The following DEFB119 variants were observed in gnomAD, a reference collection of about 807,000 sequenced individuals.
DEFB119 encodes the protein defensin beta 119.
DEFB119 carries 3 observed loss-of-function variants against 2.5 expected under a neutral mutation model. That is an observed-to-expected ratio of 1.19 (90% CI 0.54 to 3.07). The LOEUF is 3.07. DEFB119 is among the 30% of genes most tolerant of loss of function. The pLI is 0.03. For synonymous variants in DEFB119, 29 were observed against 33.7 expected, an observed-to-expected ratio of 0.86 and a Z score of 0.48; for missense variants, 113 against 101.1, an observed-to-expected ratio of 1.12 and a Z score of -0.50.
Position 31,377,336 on chromosome 20 carries a change from G to T in DEFB119, c.165C>A (p.Cys55Ter). 1 of 1,614,190 alleles carries T rather than the reference G, an allele frequency of 6.2e-7. No homozygotes were observed. Among genetic ancestry groups the T allele is most frequent in the Non-Finnish European group, 8.5e-7 (1 of 1,180,028 alleles). Residue 55 changes from cysteine (C) to a stop codon, truncating the protein, a stop_gained, in exon 2 of 2, where the codon TGC (cysteine) becomes TGA (stop). Transcript: ENST00000376321. LOFTEE classifies it low-confidence loss of function (END_TRUNC). ...PYLYCRNCQS[C>*]CLQSYMRISI... is the part of the protein sequence containing the mutation. ...TTATCCTCATGTAGGACTGGAGGCA[G>T]CAGGACTGACAATTTCTGCAATAGA...
At position 31,377,422 on chromosome 20, in the gene DEFB119, G is replaced by A. The variant is rs773450020; in HGVS notation, c.79C>T (p.Arg27Ter). 5.5e-5 allele frequency: 88 copies of A among 1,612,376 alleles called. No individual in the cohort carries two copies. Among genetic ancestry groups the A allele is most frequent in the Non-Finnish European group, 6.7e-5 (79 of 1,179,364 alleles). The change falls in exon 2 of 2, where the codon CGA (arginine) becomes TGA (stop). Residue 27 changes from arginine (R) to a stop codon, truncating the protein, a stop_gained. Coordinates refer to ENST00000376321, the MANE Select transcript of DEFB119 (RefSeq NM_153289.4). LOFTEE classifies it low-confidence loss of function (END_TRUNC). ...CAAATTCCACTGTTACCCATGCATC[G>A]AAGGATGTGGCGTTTGCCTGCCAAA... The part of the protein sequence containing the change: ...PVISGKRHIL[R>*]CMGNSGICRA...
upstream of DEFB119, chr20:31,390,606 G>A (rs1986900309): frequency 5.5e-6 from 5 of 903,654 alleles, no homozygotes; most frequent in Non-Finnish European, 8.7e-6. Flanking sequence ...ATTAGAACAG[G>A]AGGGGATTTA....
chr20:31,383,374 C>T (rs1280560787), intron 1 of DEFB119, among the ~76,000 whole-genome samples: 1 of 151,332 alleles, frequency 6.6e-6, no homozygotes, highest in East Asian at 1.9e-4. Flanking sequence ...GAAACCTTGT[C>T]TCTACTAAAA....
intron 1 of DEFB119, 51 bp from the exon 2 acceptor site, chr20:31,377,490 A>C (rs1243527225): frequency 1.3e-6 from 2 of 1,559,692 alleles, no homozygotes; most frequent in African/African-American, 2.7e-5. Flanking sequence ...GAGTGACATA[A>C]ATCTGATAAG....
At chr20:31,389,465 C>T (rs1317721053) in intron 1 of DEFB119, among the ~76,000 whole-genome samples, 11 of 152,066 alleles carry the variant, frequency 7.2e-5, no homozygotes, top group Admixed American at 7.2e-4. Flanking sequence ...TTGGACTTCT[C>T]ACCCTTCTGT....
chr20:31,390,567 G>T lies in DEFB119; in HGVS notation c.-84C>A. The stretch of plus-strand genomic sequence containing the variant: ...CTGCAGCACGGCAGAGATGAGCTTT[G>T]CTTTTATCAGCAGGGCTGTGGGCAG... On this transcript the variant is annotated 5_prime_UTR_variant, in exon 1 of 2. Transcript: ENST00000376321. The T allele has an allele frequency of 7.5e-7, 1 of 1,341,362 alleles. No homozygotes were observed. Among genetic ancestry groups the T allele is most frequent in the Non-Finnish European group, 1.1e-6 (1 of 947,706 alleles). 83.1% of individuals were successfully genotyped at this position (1,341,362 alleles called of 1,614,324 possible).
chr20:31,379,589 G>T (rs1986433388), intron 1 of DEFB119, among the ~76,000 whole-genome samples: 1 of 151,616 alleles, frequency 6.6e-6, no homozygotes, highest in Admixed American at 6.6e-5. Context: ...TGCCTCCCAG[G>T]TTCAAGCAAT....
At chr20:31,380,565 G>A (rs6058938) in intron 1 of DEFB119, among the ~76,000 whole-genome samples, 1 of 152,012 alleles carries the variant, frequency 6.6e-6, no homozygotes, top group Admixed American at 6.5e-5. Flanking sequence ...CACGCCTGGC[G>A]GTTATGATCC....
At chr20:31,387,043 G>T (rs921283107) in intron 1 of DEFB119, among the ~76,000 whole-genome samples, 2 of 152,028 alleles carry the variant, frequency 1.3e-5, no homozygotes, top group African/African-American at 4.8e-5. Context: ...TGACCTCGTG[G>T]TGATCCACCT....
chr20:31,388,952 T>C, intron 1 of DEFB119: 3 of 1,573,322 alleles, frequency 1.9e-6, no homozygotes, highest in Non-Finnish European at 8.6e-7. Context: ...TCCTTATGAT[T>C]GACAGACACC....
chr20:31,389,020 C>T, intron 1 of DEFB119: 10 of 1,613,692 alleles, frequency 6.2e-6, no homozygotes, highest in Non-Finnish European at 8.5e-6. Flanking sequence ...GAAACAAAGT[C>T]ATTTCTATCT....
intron 1 of DEFB119, among the ~76,000 whole-genome samples, chr20:31,388,680 T>C (rs1986803611): frequency 6.6e-6 from 1 of 152,102 alleles, no homozygotes; most frequent in South Asian, 2.1e-4. Context: ...GCCCATTCAC[T>C]CTCAAGATGG....
intron 1 of DEFB119, among the ~76,000 whole-genome samples, chr20:31,381,802 C>T (rs776402065): frequency 1.9e-4 from 28 of 148,842 alleles, no homozygotes; most frequent in Non-Finnish European, 3.4e-4. Flanking sequence ...CAGAGCCAGA[C>T]ACTGTCTCAA....
chr20:31,383,838 G>A (rs1366192792), intron 1 of DEFB119, among the ~76,000 whole-genome samples: 2 of 151,060 alleles, frequency 1.3e-5, no homozygotes, highest in Non-Finnish European at 2.9e-5. Context: ...GCAAGACTCT[G>A]TCTCAAAAAT....
chr20:31,378,701 T>G (rs1052189896), intron 1 of DEFB119, among the ~76,000 whole-genome samples: 2 of 152,180 alleles, frequency 1.3e-5, no homozygotes, highest in Non-Finnish European at 2.9e-5. Flanking sequence ...TTGGGGATTT[T>G]TTTCTTTAAG....
rs142877126 is a variant in DEFB119, at chr20:31,388,673, C to T, written c.61+1750G>A. Among the ~76,000 whole-genome samples, 5 of 152,196 alleles carry T rather than the reference C, an allele frequency of 3.3e-5. No individual in the cohort carries two copies. In the East Asian group the frequency reaches 7.7e-4, roughly 24 times the overall value. ...TATTCAGCCCCATCCACTCTCAGCC[C>T]ATTCACTCTCAAGATGGACCAACTC... On this transcript the variant is annotated intron_variant, in intron 1 of 1. Coordinates refer to ENST00000376321, the MANE Select transcript of DEFB119 (RefSeq NM_153289.4).
chr20:31,388,323 C>A, intron 1 of DEFB119: 3 of 985,726 alleles, frequency 3.0e-6, no homozygotes, highest in Non-Finnish European at 3.6e-6. Context: ...GAGTGCTTAC[C>A]TTTGCATTAT....
Position 31,390,451 on chromosome 20 carries a change from A to C in DEFB119, c.33T>G (p.Leu11=). MKLLYLFLAI[L]LAIEEPVISG... is the part of the protein sequence containing the mutation. ...ATATCACTGGTTCTTCTATGGCCAG[A>C]AGGATGGCAAGAAACAGGTAAAGAA... Residue 11 remains leucine (L), a synonymous_variant, in exon 1 of 2, where the codon CTT becomes CTG. Coordinates refer to ENST00000376321, the MANE Select transcript of DEFB119 (RefSeq NM_153289.4). 1 of 1,612,828 alleles carries C rather than the reference A, an allele frequency of 6.2e-7. No homozygotes were observed. Among genetic ancestry groups the C allele is most frequent in the Admixed American group, 1.7e-5 (1 of 59,772 alleles).
At chr20:31,387,733 C>T (rs991025374) in intron 1 of DEFB119, among the ~76,000 whole-genome samples, 5 of 152,132 alleles carry the variant, frequency 3.3e-5, no homozygotes, top group African/African-American at 1.2e-4. Flanking sequence ...CCTGCAGCTC[C>T]TTGAAGCAGG....
Sources: gnomAD v4.1 joint callset for allele counts (sites outside exome capture counted in the v4.1 genomes callset) on GRCh38, gnomAD v4.1.1 for gene constraint, MANE v1.5 for transcripts, NCBI Gene and HGNC (gene_info 2026-07-23, HGNC 2026-07-21) for gene names.